LGSN: variants seen among roughly 807,000 people sequenced by gnomAD.
LGSN encodes the protein lengsin, lens protein with glutamine synthetase domain.
Under a neutral mutation model 19.5 loss-of-function variants are expected in LGSN, and 21 were observed. The ratio of observed to expected loss-of-function variants is 1.07; its 90% CI spans 0.76 to 1.55. The LOEUF (loss-of-function observed/expected upper bound fraction) is 1.55, where lower values mean the gene tolerates loss of function less well. Among genes scored for constraint, LGSN ranks in the 40% most tolerant of loss-of-function variants. The probability of loss-of-function intolerance (pLI) is 0.00; values close to 1 mark genes in which losing one functional copy is unlikely to be tolerated. For missense variants in LGSN, 673 were observed against 608.5 expected, an observed-to-expected ratio of 1.11 and a Z score of -1.12; for synonymous variants, 257 against 215.6, an observed-to-expected ratio of 1.19 and a Z score of -1.68.
At chr6:63,473,484 A>G in the LGSN span, among the ~76,000 whole-genome samples, 1 of 151,112 alleles carries the variant, frequency 6.6e-6, no homozygotes, top group Non-Finnish European at 1.5e-5. Flanking sequence ...AAAAAAAAAA[A>G]AAAAAAAAAA....
At chr6:63,437,097 GAAGGGAGAAGGAAAAGA>G in the LGSN span, among the ~76,000 whole-genome samples, 1,066 of 135,882 alleles carry the variant, frequency 7.8e-3, 7 homozygotes, top group African/African-American at 0.012. Context: ...GGAAGGGAGG[GAAGGGAGAAGGAAAAGA>G]AAGGGAGAAG....
chr6:63,428,359 T>C, the LGSN span, among the ~76,000 whole-genome samples: 2 of 152,114 alleles, frequency 1.3e-5, no homozygotes, highest in Non-Finnish European at 2.9e-5. Flanking sequence ...ATTATTTATT[T>C]ATTTATTTTT....
the LGSN span, chr6:63,441,168 A>G: frequency 1.4e-5 from 3 of 215,072 alleles, no homozygotes; most frequent in South Asian, 2.2e-4. Flanking sequence ...GAGATTGCGC[A>G]TTGCACTCCA....
At chr6:63,355,443 G>T in the LGSN span, among the ~76,000 whole-genome samples, 2 of 152,148 alleles carry the variant, frequency 1.3e-5, no homozygotes, top group African/African-American at 4.8e-5. Flanking sequence ...ATGCCAGGTG[G>T]TGTATTCATT....
the LGSN span, among the ~76,000 whole-genome samples, chr6:63,420,105 A>AG: frequency 6.6e-6 from 1 of 150,994 alleles, no homozygotes; most frequent in Non-Finnish European, 1.5e-5. Context: ...CTGGAGGCTG[A>AG]GGCAGGAGAA....
At chr6:63,466,990 G>GT in the LGSN span, among the ~76,000 whole-genome samples, 1 of 152,156 alleles carries the variant, frequency 6.6e-6, no homozygotes, top group Non-Finnish European at 1.5e-5. Flanking sequence ...TATAAAACCA[G>GT]TGTTTAAAGC....
At chr6:63,487,162 G>A in the LGSN span, among the ~76,000 whole-genome samples, 1 of 151,970 alleles carries the variant, frequency 6.6e-6, no homozygotes, top group Admixed American at 6.6e-5. Flanking sequence ...TAGAGATGGG[G>A]TTTCACCATA....
chr6:63,389,681 A>C, the LGSN span, among the ~76,000 whole-genome samples: 1 of 152,244 alleles, frequency 6.6e-6, no homozygotes, highest in Non-Finnish European at 1.5e-5. Context: ...TTGCATTTCA[A>C]TATTAAGTAT....
chr6:63,565,022 C>G, the LGSN span, among the ~76,000 whole-genome samples: 1 of 151,846 alleles, frequency 6.6e-6, no homozygotes, highest in African/African-American at 2.4e-5. Context: ...TTTTGTTTTT[C>G]CTTGAGAGAG....
chr6:63,358,808 A>G, the LGSN span, among the ~76,000 whole-genome samples: 3 of 152,086 alleles, frequency 2.0e-5, no homozygotes, highest in African/African-American at 7.2e-5. Flanking sequence ...TCTTTTCCTT[A>G]TTGAATACCC....
the LGSN span, among the ~76,000 whole-genome samples, chr6:63,563,039 T>A: frequency 6.6e-6 from 1 of 152,236 alleles, no homozygotes; most frequent in African/African-American, 2.4e-5. Flanking sequence ...TCCATATTTC[T>A]AATCTCTCCA....
At chr6:63,349,635 A>T in the LGSN span, among the ~76,000 whole-genome samples, 1 of 152,230 alleles carries the variant, frequency 6.6e-6, no homozygotes, top group African/African-American at 2.4e-5. Context: ...GGCTTTGAAG[A>T]TGGAGAGGAC....
At chr6:63,565,361 A>G in the LGSN span, among the ~76,000 whole-genome samples, 19 of 152,128 alleles carry the variant, frequency 1.2e-4, no homozygotes, top group Non-Finnish European at 1.8e-4. Context: ...TTTATATTTA[A>G]ATTGATTACA....
At chr6:63,327,999 A>T in the LGSN span, among the ~76,000 whole-genome samples, 7 of 152,288 alleles carry the variant, frequency 4.6e-5, no homozygotes, top group African/African-American at 1.2e-4. Flanking sequence ...AGGAACTCCC[A>T]TTCTTTCCAT....
chr6:63,356,914 T>C, the LGSN span, among the ~76,000 whole-genome samples: 2 of 152,094 alleles, frequency 1.3e-5, no homozygotes, highest in African/African-American at 4.8e-5. Context: ...ATGTGCCATG[T>C]TGGTATGCTG....
the LGSN span, among the ~76,000 whole-genome samples, chr6:63,426,824 G>T: frequency 1.3e-5 from 2 of 151,930 alleles, no homozygotes; most frequent in African/African-American, 4.8e-5. Flanking sequence ...CCAGGTATTG[G>T]TTTTAAATTT....
At chr6:63,380,063 T>C in the LGSN span, among the ~76,000 whole-genome samples, 1 of 152,170 alleles carries the variant, frequency 6.6e-6, no homozygotes, top group African/African-American at 2.4e-5. Context: ...GGTCTCGAAC[T>C]CCTGACCTCA....
the LGSN span, among the ~76,000 whole-genome samples, chr6:63,547,760 C>G: frequency 1.3e-5 from 2 of 151,696 alleles, no homozygotes; most frequent in Admixed American, 6.6e-5. Context: ...ATCCACCCCC[C>G]TCGGCCTCCC....
chr6:63,390,400 G>T, the LGSN span, among the ~76,000 whole-genome samples: 1 of 151,438 alleles, frequency 6.6e-6, no homozygotes, highest in Non-Finnish European at 1.5e-5. Flanking sequence ...AAAGTGCTGG[G>T]ATTACAGGTT....
Sources: allele counts gnomAD v4.1 joint callset (sites outside exome capture counted in the v4.1 genomes callset), GRCh38; gene constraint gnomAD v4.1.1; transcripts MANE v1.5; gene names NCBI Gene and HGNC (gene_info 2026-07-23, HGNC 2026-07-21).